KCTD16: variants seen among roughly 807,000 people sequenced by gnomAD.
KCTD16 encodes the protein potassium channel tetramerization domain containing 16, also known as BTB/POZ domain-containing protein KCTD16.
Under a neutral mutation model 33.2 loss-of-function variants are expected in KCTD16, and 13 were observed. That is an observed-to-expected ratio of 0.39 (90% CI 0.25 to 0.62). KCTD16 has a LOEUF of 0.62. KCTD16 is among the 20% of genes least tolerant of loss of function. The probability of loss-of-function intolerance (pLI) is 0.50; values close to 1 mark genes in which losing one functional copy is unlikely to be tolerated. For synonymous variants in KCTD16, 197 were observed against 195.3 expected (o/e 1.01, Z -0.07); for missense variants, 441 against 525.1 (o/e 0.84, Z 1.57).
intron 3 of KCTD16, among the ~76,000 whole-genome samples, chr5:144,342,015 T>A (rs1414957511): frequency 2.0e-5 from 3 of 152,212 alleles, no homozygotes; most frequent in Admixed American, 2.0e-4. Context: ...ATCTGAAATA[T>A]GGGACTGTTT....
At chr5:144,182,895 T>G (rs1267099523) in intron 2 of KCTD16, among the ~76,000 whole-genome samples, 1 of 152,238 alleles carries the variant, frequency 6.6e-6, no homozygotes, top group Non-Finnish European at 1.5e-5. Flanking sequence ...TATTTCTTTG[T>G]TATTATTGTT....
intron 3 of KCTD16, among the ~76,000 whole-genome samples, chr5:144,419,302 T>G (rs1236568141): frequency 1.3e-5 from 2 of 152,182 alleles, no homozygotes; most frequent in African/African-American, 2.4e-5. Context: ...TTTTTCTCAG[T>G]TCTGTTGCTG....
intron 3 of KCTD16, among the ~76,000 whole-genome samples, chr5:144,374,912 A>G (rs1046485297): frequency 6.6e-6 from 1 of 152,178 alleles, no homozygotes; most frequent in Non-Finnish European, 1.5e-5. Context: ...AAAGTAGCAT[A>G]TGACTTCTCC....
chr5:144,317,851 A>G (rs1751963751), intron 3 of KCTD16, among the ~76,000 whole-genome samples: 1 of 152,152 alleles, frequency 6.6e-6, no homozygotes, highest in East Asian at 1.9e-4. Flanking sequence ...ATTTGCAATT[A>G]CGTTTTTACC....
chr5:144,466,999 A>T (rs1231366392), intron 3 of KCTD16, among the ~76,000 whole-genome samples: 1 of 47,864 alleles, frequency 2.1e-5, no homozygotes, highest in Admixed American at 2.8e-4. Flanking sequence ...TATATATATT[A>T]TATATATTAT....
intron 2 of KCTD16, among the ~76,000 whole-genome samples, chr5:144,189,461 A>G (rs1243198720): frequency 6.6e-6 from 1 of 150,906 alleles, no homozygotes; most frequent in Non-Finnish European, 1.5e-5. Flanking sequence ...GCGCCACTGC[A>G]CTTCAGCCGG....
intron 3 of KCTD16, among the ~76,000 whole-genome samples, chr5:144,402,282 G>A (rs1752718744): frequency 6.6e-6 from 1 of 152,286 alleles, no homozygotes; most frequent in South Asian, 2.1e-4. Context: ...ATCTGTGGCA[G>A]AAAGATGTTT....
At chr5:144,393,952 C>CTTT (rs1752507812) in intron 3 of KCTD16, among the ~76,000 whole-genome samples, 1 of 140,084 alleles carries the variant, frequency 7.1e-6, no homozygotes, top group Non-Finnish European at 1.6e-5. Flanking sequence ...TCCTTTTTTT[C>CTTT]TTTCTTTTTT....
chr5:144,319,053 A>G (rs1383665351), intron 3 of KCTD16, among the ~76,000 whole-genome samples: 1 of 152,124 alleles, frequency 6.6e-6, no homozygotes, highest in Non-Finnish European at 1.5e-5. Context: ...GAGAAGTACT[A>G]TGATATAGTA....
chr5:144,356,081 A>G (rs183309925), intron 3 of KCTD16, among the ~76,000 whole-genome samples: 4 of 152,298 alleles, frequency 2.6e-5, no homozygotes, highest in African/African-American at 9.6e-5. Context: ...TCCTAAGAAG[A>G]TTACAAAATT....
chr5:144,339,450 T>A (rs756411049), intron 3 of KCTD16, among the ~76,000 whole-genome samples: 7 of 152,170 alleles, frequency 4.6e-5, no homozygotes, highest in Non-Finnish European at 1.0e-4. Context: ...TCTCTGCCCT[T>A]CTACTCTTGC....
chr5:144,454,096 A>G (rs1013242693), intron 3 of KCTD16, among the ~76,000 whole-genome samples: 2 of 152,204 alleles, frequency 1.3e-5, no homozygotes, highest in African/African-American at 4.8e-5. Context: ...TGGCTAGATA[A>G]ATCAACAATG....
intron 3 of KCTD16, among the ~76,000 whole-genome samples, chr5:144,461,566 A>C (rs1754195811): frequency 6.6e-6 from 1 of 152,162 alleles, no homozygotes; most frequent in South Asian, 2.1e-4. Context: ...CTATTTTAGC[A>C]ATCTCCTAAC....
intron 3 of KCTD16, among the ~76,000 whole-genome samples, chr5:144,318,206 G>A (rs901796754): frequency 2.0e-5 from 3 of 152,150 alleles, no homozygotes; most frequent in Non-Finnish European, 2.9e-5. Flanking sequence ...GCACAACCCC[G>A]AGCGGCCTGT....
At chr5:144,385,520 A>G (rs1275357655) in intron 3 of KCTD16, among the ~76,000 whole-genome samples, 3 of 152,098 alleles carry the variant, frequency 2.0e-5, no homozygotes, top group Non-Finnish European at 4.4e-5. Flanking sequence ...TCTTTTTCAC[A>G]TGAAATATTT....
chr5:144,389,229 G>A (rs1335008422), intron 3 of KCTD16, among the ~76,000 whole-genome samples: 5 of 152,180 alleles, frequency 3.3e-5, no homozygotes, highest in Non-Finnish European at 5.9e-5. Context: ...CCCAGGCCAC[G>A]GACCAGTAGC....
chr5:144,401,241 C>T (rs1467163029), intron 3 of KCTD16, among the ~76,000 whole-genome samples: 4 of 152,116 alleles, frequency 2.6e-5, no homozygotes, highest in African/African-American at 4.8e-5. Context: ...AACTAAATTA[C>T]AGCACCAATC....
At chr5:144,286,619 C>T (rs1365280918) in intron 3 of KCTD16, among the ~76,000 whole-genome samples, 1 of 152,106 alleles carries the variant, frequency 6.6e-6, no homozygotes, top group Non-Finnish European at 1.5e-5. Context: ...GAGAAACAGA[C>T]GTTATCACTT....
At chr5:144,373,725 C>T (rs955936631) in intron 3 of KCTD16, among the ~76,000 whole-genome samples, 2 of 152,144 alleles carry the variant, frequency 1.3e-5, no homozygotes, top group Non-Finnish European at 2.9e-5. Flanking sequence ...AAAAATATTC[C>T]AGATGTGAAG....
Sources: allele counts gnomAD v4.1 joint callset (sites outside exome capture counted in the v4.1 genomes callset), GRCh38; gene constraint gnomAD v4.1.1; transcripts MANE v1.5; gene names NCBI Gene and HGNC (gene_info 2026-07-23, HGNC 2026-07-21).